The following BATF variants were observed in gnomAD, a reference collection of about 807,000 sequenced individuals.
BATF encodes basic leucine zipper transcriptional factor ATF-like.
A neutral mutation model predicts 13.7 loss-of-function variants in BATF; 5 were observed. The observed-to-expected ratio is 0.36, with a 90% confidence interval of 0.19 to 0.77. The LOEUF (loss-of-function observed/expected upper bound fraction) is 0.77. Ranked by LOEUF, BATF falls within the 30% of genes least tolerant of loss-of-function variation. The probability of loss-of-function intolerance (pLI) is 0.51; values close to 1 mark genes in which losing one functional copy is unlikely to be tolerated. For missense variants in BATF, 124 were observed against 163.0 expected, an observed-to-expected ratio of 0.76 and a Z score of 1.30; for synonymous variants, 72 against 67.5, an observed-to-expected ratio of 1.07 and a Z score of -0.33.
chr14:75,542,565 C>T (rs964421369), intron 2 of BATF, among the ~76,000 whole-genome samples: 3 of 152,226 alleles, frequency 2.0e-5, no homozygotes, highest in African/African-American at 7.2e-5. Flanking sequence ...CATGACTGCC[C>T]CAAGGAGGGC....
At chr14:75,533,723 A>C (rs1887774096) in intron 2 of BATF, among the ~76,000 whole-genome samples, 1 of 152,184 alleles carries the variant, frequency 6.6e-6, no homozygotes, top group South Asian at 2.1e-4. Context: ...AGAGGGTTCC[A>C]CTACGGGTTC....
chr14:75,523,345 C>T (rs1467579080), intron 1 of BATF, among the ~76,000 whole-genome samples: 1 of 152,098 alleles, frequency 6.6e-6, no homozygotes, highest in African/African-American at 2.4e-5. Context: ...TGCTAGAGGT[C>T]CAGCCAATAT....
intron 2 of BATF, among the ~76,000 whole-genome samples, chr14:75,538,396 A>G (rs1020408408): frequency 6.6e-6 from 1 of 152,218 alleles, no homozygotes; most frequent in African/African-American, 2.4e-5. Context: ...GCATCCAGGA[A>G]TCCAGACTGT....
chr14:75,541,276 A>T (rs971490574), intron 2 of BATF, among the ~76,000 whole-genome samples: 3 of 152,102 alleles, frequency 2.0e-5, no homozygotes, highest in Non-Finnish European at 4.4e-5. Context: ...GAGGTTGAGA[A>T]TCATTGTTTT....
At chr14:75,525,029 T>C in intron 1 of BATF, 55 bp from the exon 2 acceptor site, 1 of 1,467,478 alleles carries the variant, frequency 6.8e-7, no homozygotes, top group Admixed American at 1.9e-5. Flanking sequence ...AGAGCCTGCT[T>C]TCACTCAGAA....
chr14:75,536,198 A>G (rs1887813413), intron 2 of BATF, among the ~76,000 whole-genome samples: 2 of 152,218 alleles, frequency 1.3e-5, no homozygotes, highest in African/African-American at 4.8e-5. Context: ...TGCAATGTGG[A>G]AAGTGTCTAA....
Position 75,522,505 on chromosome 14 carries a change from C to T in BATF, c.-178C>T. 1.6e-6 allele frequency: 1 copy of T among 625,362 alleles called. No individual in the cohort carries two copies. Among genetic ancestry groups the T allele is most frequent in the Non-Finnish European group, 2.8e-6 (1 of 353,840 alleles). 38.7% of individuals were successfully genotyped at this position (625,362 alleles called of 1,614,324 possible). ...CATGTCCCTTTGGGGAGCAGTCCCT[C>T]TGCACCCCAGAGTGAGGAGGACGCA... On this transcript the variant is annotated 5_prime_UTR_variant, in exon 1 of 3. Coordinates refer to ENST00000286639, the MANE Select transcript of BATF (RefSeq NM_006399.5).
intron 1 of BATF, among the ~76,000 whole-genome samples, chr14:75,523,074 A>T (rs1595001161): frequency 6.6e-6 from 1 of 152,152 alleles, no homozygotes; most frequent in South Asian, 2.1e-4. Context: ...AAAAGAGTCT[A>T]CTGTTCTCCA....
Position 75,525,097 on chromosome 14 carries a change from A to C in BATF, c.77A>C (p.Asp26Ala). The change falls in exon 2 of 3, where the codon GAT (aspartate) becomes GCT (alanine). Residue 26 changes from aspartate (D) to alanine (A), a missense_variant. Asp to Ala is a moderately radical substitution (Grantham distance 126). Around this residue, in one of 2 missense-constraint regions of BATF, gnomAD observed 65 missense variants for 113.3 expected, o/e 0.57. Coordinates refer to ENST00000286639, the MANE Select transcript of BATF (RefSeq NM_006399.5). ...TCTGCTTCCCAGGACTCATCTGATG[A>C]TGTGAGAAGAGTTCAGAGGAGGGAG... Reference protein sequence around the residue: ...PPPGKQDSSDDVRRVQRREKN... With the variant: ...PPPGKQDSSDAVRRVQRREKN... 2 of 1,613,406 alleles carry C rather than the reference A, an allele frequency of 1.2e-6. No homozygotes were observed. Among genetic ancestry groups the C allele is most frequent in the Non-Finnish European group, 8.5e-7 (1 of 1,179,710 alleles).
Position 75,546,732 on chromosome 14 carries a change from C to G in BATF, c.*61C>G. ...GCACACAGACTGTGGCAGAGCTGCG[C>G]CCATCCCGCAGAGGCCCCTGTCCAC... On this transcript the variant is annotated 3_prime_UTR_variant, in exon 3 of 3. Transcript: ENST00000286639. 1 of 1,481,538 alleles carries G rather than the reference C, an allele frequency of 6.7e-7. No individual in the cohort carries two copies. 91.8% of individuals were successfully genotyped at this position (1,481,538 alleles called of 1,614,324 possible). A position where few individuals can be genotyped will look rare whatever the true frequency, so the allele number is the denominator to read the frequency against.
In BATF at chr14:75,545,756, C is replaced by A. The variant is rs10135004; in HGVS notation, c.169-706C>A. The stretch of plus-strand genomic sequence containing the variant: ...CCAGCTGCTTTCCCTTGCTGTATTC[C>A]CGCCACCTCCCACCCACACACCCTC... On this transcript the variant is annotated intron_variant, in intron 2 of 2. Transcript: ENST00000286639. Among the ~76,000 whole-genome samples the A allele has an allele frequency of 2.8e-3, 427 of 152,164 alleles. 5 individuals carry two copies. Among genetic ancestry groups the A allele is most frequent in the African/African-American group, 0.01 (415 of 41,500 alleles).
chr14:75,532,500 C>G (rs1417201446), intron 2 of BATF, among the ~76,000 whole-genome samples: 1 of 152,000 alleles, frequency 6.6e-6, no homozygotes, highest in Non-Finnish European at 1.5e-5. Flanking sequence ...TACAATATGT[C>G]AATTGAAATC....
chr14:75,541,396 G>T (rs573713368), intron 2 of BATF, among the ~76,000 whole-genome samples: 1 of 152,170 alleles, frequency 6.6e-6, no homozygotes, highest in Non-Finnish European at 1.5e-5. Context: ...CCCATTTACC[G>T]CTGATGGAGC....
intron 2 of BATF, among the ~76,000 whole-genome samples, chr14:75,538,312 C>G (rs1325244441): frequency 6.6e-6 from 1 of 152,146 alleles, no homozygotes; most frequent in African/African-American, 2.4e-5. Flanking sequence ...ATTTGGCTCA[C>G]TTAGGAAGCA....
intron 2 of BATF, among the ~76,000 whole-genome samples, chr14:75,538,887 C>T (rs914094426): frequency 1.7e-4 from 26 of 152,156 alleles, no homozygotes; most frequent in Non-Finnish European, 3.5e-4. Context: ...GGCGACAGAG[C>T]GAGACACGGT....
At chr14:75,524,694 A>G (rs1482802679) in intron 1 of BATF, among the ~76,000 whole-genome samples, 1 of 152,212 alleles carries the variant, frequency 6.6e-6, no homozygotes, top group African/African-American at 2.4e-5. Context: ...AAAAGAAAAC[A>G]GCTAAAAGAA....
chr14:75,526,971 T>C (rs910023980), intron 2 of BATF, among the ~76,000 whole-genome samples: 8 of 152,216 alleles, frequency 5.3e-5, no homozygotes, highest in African/African-American at 1.9e-4. Context: ...AGTGTGTACC[T>C]GTTTTCTTAA....
chr14:75,541,008 A>G (rs953451630), intron 2 of BATF, among the ~76,000 whole-genome samples: 1 of 152,202 alleles, frequency 6.6e-6, no homozygotes, highest in Non-Finnish European at 1.5e-5. Flanking sequence ...GAATTGCTTG[A>G]ACCAGGGAGG....
chr14:75,546,335 TC>T, intron 2 of BATF, 126 bp from the exon 3 acceptor site: 1 of 910,298 alleles, frequency 1.1e-6, no homozygotes, highest in Non-Finnish European at 1.7e-6. Flanking sequence ...AGGAAAATTC[TC>T]TGGTGCCCTT....
Sources: gnomAD v4.1 joint callset for allele counts (sites outside exome capture counted in the v4.1 genomes callset) on GRCh38, gnomAD v4.1.1 for gene constraint, gnomAD v4.1.1 regional missense constraint, MANE v1.5 for transcripts, NCBI Gene and HGNC (gene_info 2026-07-23, HGNC 2026-07-21) for gene names.